Variants in ZNF385D observed in about 807,000 individuals in gnomAD.
ZNF385D encodes the protein zinc finger protein 385D, also known as zinc finger protein 659.
A neutral mutation model predicts 35.8 loss-of-function variants in ZNF385D; 15 were observed. That is an observed-to-expected ratio of 0.42 (90% confidence interval 0.28 to 0.64). The LOEUF is 0.64. ZNF385D is among the 30% of genes least tolerant of loss of function. ZNF385D has a pLI of 0.23. For missense variants in ZNF385D, 474 were observed against 494.6 expected (o/e 0.96, Z 0.39); for synonymous variants, 212 against 186.8 (o/e 1.13, Z -1.10).
rs553433321 is a variant in ZNF385D at position 21,877,796 on chromosome 3, G to A, written c.326-212768C>T. ...TCACTTTTAGAGCTGAGGCATCAGC[G>A]TACCTGCTTGTAGAGATATCTAATC... On this transcript the variant is annotated intron_variant, in intron 3 of 5. Transcript: ENST00000494108. 100 of 152,092 alleles carry A rather than the reference G, an allele frequency of 6.6e-4. 3 individuals are homozygous for A. Among genetic ancestry groups the A allele is most frequent in the Admixed American group, 6.0e-3 (92 of 15,248 alleles). The allele number at this position is 152,092 out of a possible 1,614,324, so 9.4% of individuals were successfully genotyped here.
At chr3:21,944,977 C>T (rs569572333) in intron 3 of ZNF385D, among the ~76,000 whole-genome samples, 2 of 152,072 alleles carry the variant, frequency 1.3e-5, no homozygotes, top group East Asian at 3.9e-4. Flanking sequence ...TACAAATTCC[C>T]TATCAATATG....
chr3:21,708,557 G>A (rs1382619144), intron 1 of ZNF385D, among the ~76,000 whole-genome samples: 1 of 152,098 alleles, frequency 6.6e-6, no homozygotes, highest in Admixed American at 6.5e-5. Flanking sequence ...GTCCCAAAAT[G>A]TGGAAATAAA....
chr3:22,307,968 G>C (rs1370673679), intron 2 of ZNF385D, among the ~76,000 whole-genome samples: 1 of 152,024 alleles, frequency 6.6e-6, no homozygotes, highest in Non-Finnish European at 1.5e-5. Flanking sequence ...TTTTGAATTA[G>C]TTGAATCAGA....
At chr3:21,578,340 C>A (rs560418273) in intron 2 of ZNF385D, among the ~76,000 whole-genome samples, 1 of 151,986 alleles carries the variant, frequency 6.6e-6, no homozygotes, top group Non-Finnish European at 1.5e-5. Context: ...AGTATAATCC[C>A]ATTTCTTTAT....
At chr3:21,730,059 A>T (rs979146277) in intron 1 of ZNF385D, among the ~76,000 whole-genome samples, 3 of 152,218 alleles carry the variant, frequency 2.0e-5, no homozygotes, top group Non-Finnish European at 4.4e-5. Context: ...GTTGGATTAT[A>T]CAAACTACAC....
rs1214143626 is a variant in ZNF385D, at chr3:21,732,030, G to GTTTTTTTT, written c.22+18857_22+18864dup. Reference sequence around the variant, plus strand: ...TTCAGGGTTTTTTTCTTTTTTCGGGGTTTTTTTTTTTTTTTTTTTTTTTTT... The same window carrying GTTTTTTTT: ...TTCAGGGTTTTTTTCTTTTTTCGGGGTTTTTTTTTTTTTTTTTTTTTTTTTTTTTTTTT... On this transcript the variant is annotated intron_variant, in intron 1 of 7. Transcript: ENST00000281523. Among the ~76,000 whole-genome samples, 26 of 37,394 alleles carry GTTTTTTTT rather than the reference G, an allele frequency of 7.0e-4. 1 individual carries two copies. Among genetic ancestry groups the GTTTTTTTT allele is most frequent in the Non-Finnish European group, 1.2e-3 (21 of 17,926 alleles). The allele number at this position is 37,394 out of a possible 152,430, so 24.5% of individuals were successfully genotyped here.
intron 3 of ZNF385D, among the ~76,000 whole-genome samples, chr3:21,520,634 ACT>A (rs1212598443): frequency 1.3e-5 from 2 of 152,006 alleles, no homozygotes; most frequent in Non-Finnish European, 2.9e-5. Flanking sequence ...ATTTATGGGA[ACT>A]CTCTCTTTTC....
chr3:21,769,195 T>G (rs965883713), intron 3 of ZNF385D, among the ~76,000 whole-genome samples: 1 of 152,020 alleles, frequency 6.6e-6, no homozygotes, highest in South Asian at 2.1e-4. Flanking sequence ...GCCCTCTCTC[T>G]CCACTCCTAT....
intron 2 of ZNF385D, among the ~76,000 whole-genome samples, chr3:22,274,663 A>T (rs1481484386): frequency 1.0e-5 from 1 of 98,696 alleles, no homozygotes; most frequent in East Asian, 2.3e-4. Context: ...CATTTTAGTA[A>T]ATTTTTTAAA....
intron 3 of ZNF385D, among the ~76,000 whole-genome samples, chr3:21,870,128 G>T (rs563654035): frequency 6.6e-6 from 1 of 152,026 alleles, no homozygotes; most frequent in Non-Finnish European, 1.5e-5. Context: ...CAGATTTAAG[G>T]AAAAAATTGT....
chr3:21,717,420 T>G (rs1403737350), intron 1 of ZNF385D, among the ~76,000 whole-genome samples: 1 of 152,196 alleles, frequency 6.6e-6, no homozygotes, highest in Non-Finnish European at 1.5e-5. Context: ...GATGACTTTC[T>G]GTTTCTCTCT....
At chr3:22,116,456 A>G (rs920467931) in intron 3 of ZNF385D, among the ~76,000 whole-genome samples, 1 of 152,074 alleles carries the variant, frequency 6.6e-6, no homozygotes, top group African/African-American at 2.4e-5. Flanking sequence ...TCTCTAAAGG[A>G]AAGAAGGAAT....
intron 2 of ZNF385D, among the ~76,000 whole-genome samples, chr3:22,328,818 G>T (rs1487416669): frequency 6.7e-6 from 1 of 148,876 alleles, no homozygotes; most frequent in East Asian, 2.0e-4. Context: ...GCTCACGCCT[G>T]TAATCCCAGC....
chr3:22,103,999 T>C (rs1382128712), intron 3 of ZNF385D, among the ~76,000 whole-genome samples: 2 of 152,152 alleles, frequency 1.3e-5, no homozygotes, highest in Non-Finnish European at 1.5e-5. Flanking sequence ...ACTTATATAT[T>C]ACATGTACAA....
intron 3 of ZNF385D, among the ~76,000 whole-genome samples, chr3:21,852,392 T>G (rs2673517): frequency 6.6e-6 from 1 of 151,562 alleles, no homozygotes; most frequent in African/African-American, 2.4e-5. Flanking sequence ...GTCTTAGTCA[T>G]AAAAGAGGCT....
intron 3 of ZNF385D, among the ~76,000 whole-genome samples, chr3:21,757,392 C>G (rs2070393693): frequency 6.6e-6 from 1 of 152,122 alleles, no homozygotes; most frequent in Non-Finnish European, 1.5e-5. Context: ...ATCTGACCAC[C>G]TTGGCCTCCC....
At chr3:21,599,464 G>T (rs73033388) in intron 2 of ZNF385D, among the ~76,000 whole-genome samples, 37 of 152,254 alleles carry the variant, frequency 2.4e-4, no homozygotes, top group Non-Finnish European at 4.7e-4. Context: ...TTGCATAGGA[G>T]ACAATTTCTC....
chr3:21,832,087 G>T (rs370531596), intron 3 of ZNF385D, among the ~76,000 whole-genome samples: 1 of 29,476 alleles, frequency 3.4e-5, no homozygotes, highest in Non-Finnish European at 6.1e-5. Context: ...AAAATAATTT[G>T]TTCACGTATT....
chr3:21,982,666 T>A lies in ZNF385D; in HGVS notation c.325+186151A>T, dbSNP rs138727521. Among the ~76,000 whole-genome samples, 96 of 152,292 alleles carry A rather than the reference T, an allele frequency of 6.3e-4. 1 individual carries two copies. The highest frequency in any genetic ancestry group is 2.2e-3 in the African/African-American group (92 of 41,564). ...ACAGCATACTTGTCTTGAGCTGGTATTCAAGGGGAATACTGCTAGCTTTTG... is the reference window on the plus strand; with the variant it reads ...ACAGCATACTTGTCTTGAGCTGGTAATCAAGGGGAATACTGCTAGCTTTTG... On this transcript the variant is annotated intron_variant, in intron 3 of 5. Coordinates refer to the ZNF385D transcript ENST00000494108.
Sources: gnomAD v4.1 joint callset for allele counts (sites outside exome capture counted in the v4.1 genomes callset) on GRCh38, gnomAD v4.1.1 for gene constraint, MANE v1.5 for transcripts, NCBI Gene and HGNC (gene_info 2026-07-23, HGNC 2026-07-21) for gene names.